The following PCDHGA6 variants were observed in gnomAD, a reference collection of about 807,000 sequenced individuals.
PCDHGA6 encodes the protein protocadherin gamma subfamily A, 6.
Under a neutral mutation model 60.6 loss-of-function variants are expected in PCDHGA6, and 41 were observed. That is an observed-to-expected ratio of 0.68 (90% CI 0.53 to 0.88). The LOEUF (loss-of-function observed/expected upper bound fraction) is 0.88. Among genes scored for constraint, PCDHGA6 ranks in the 40% least tolerant of loss-of-function variants. PCDHGA6 has a pLI of 0.00. For synonymous variants in PCDHGA6, 594 were observed against 524.4 expected (o/e 1.13, Z -1.81); for missense variants, 1,312 against 1,203.0 (o/e 1.09, Z -1.34).
At chr5:141,388,991 C>G in intron 1 of PCDHGA6, 1 of 1,613,976 alleles carries the variant, frequency 6.2e-7, no homozygotes. Flanking sequence ...TGCTCAAAGT[C>G]CGTGACAAGG....
intron 1 of PCDHGA6, chr5:141,433,358 CCTATCTATCTATCTAT>C (rs3074541): frequency 2.0e-4 from 99 of 504,042 alleles, no homozygotes; most frequent in East Asian, 3.1e-4. Flanking sequence ...CTACTGTCTG[CCTATCTATCTATCTAT>C]CTATCTATCT....
At chr5:141,405,603 T>A in intron 1 of PCDHGA6, 1 of 571,444 alleles carries the variant, frequency 1.7e-6, no homozygotes, top group Non-Finnish European at 3.1e-6. Flanking sequence ...CCAAGTAGAA[T>A]AACTGGGACT....
chr5:141,390,573 C>T, intron 1 of PCDHGA6: 2 of 381,276 alleles, frequency 5.2e-6, no homozygotes, highest in Non-Finnish European at 9.4e-6. Context: ...TGGCTCTCTC[C>T]TAAAAAGTGA....
At chr5:141,417,693 A>T in intron 1 of PCDHGA6, 1 of 1,091,256 alleles carries the variant, frequency 9.2e-7, no homozygotes, top group Non-Finnish European at 1.3e-6. Context: ...AAAGAAAACC[A>T]GCTCCCACAC....
rs1200487646 is a variant in PCDHGA6, at chr5:141,410,571, C to T, written c.2424+34064C>T. 3 of 1,612,028 alleles carry T rather than the reference C, an allele frequency of 1.9e-6. No homozygotes were observed. The highest frequency in any genetic ancestry group is 2.5e-6 in the Non-Finnish European group (3 of 1,179,884). On this transcript the variant is annotated intron_variant, in intron 1 of 3. Coordinates refer to ENST00000517434, the MANE Select transcript of PCDHGA6 (RefSeq NM_018919.3). The stretch of plus-strand genomic sequence containing the variant: ...AGTGTTTCTCCTGGAGCCTTAATTC[C>T]ACCTCATGGTGGGGAGGATTTGACT...
At chr5:141,422,929 C>A (rs752323344) in intron 1 of PCDHGA6, 8 of 1,614,260 alleles carry the variant, frequency 5.0e-6, no homozygotes, top group Middle Eastern at 3.3e-4. Flanking sequence ...GTACCCTGCC[C>A]TCCCCACAGA....
At chr5:141,409,687 C>A (rs1190888512) in intron 1 of PCDHGA6, 2 of 1,613,202 alleles carry the variant, frequency 1.2e-6, no homozygotes, top group East Asian at 4.5e-5. Context: ...TGGCGAGTGA[C>A]CTAGAGCCCC....
intron 1 of PCDHGA6, chr5:141,404,901 G>A: frequency 6.2e-7 from 1 of 1,613,848 alleles, no homozygotes; most frequent in African/African-American, 1.3e-5. Flanking sequence ...CAGGACCATG[G>A]CCAGCCCCCT....
At chr5:141,492,710 G>A (rs11953270) in intron 1 of PCDHGA6, among the ~76,000 whole-genome samples, 27,341 of 152,278 alleles carry the variant, frequency 0.18, 2,647 homozygotes, top group Admixed American at 0.28. Flanking sequence ...GAAGCCTCGA[G>A]CAGGCGGACA....
At position 141,486,694 on chromosome 5, in the gene PCDHGA6, C is replaced by T. The variant is rs1275794121; in HGVS notation, c.2425-8113C>T. ...ATCGAGATGTATCAGCTTCCTCTTTCATCTCTCTGAACCCCCAGACAGGAG... is the reference window on the plus strand; with the variant it reads ...ATCGAGATGTATCAGCTTCCTCTTTTATCTCTCTGAACCCCCAGACAGGAG... On this transcript the variant is annotated intron_variant, in intron 1 of 3. Transcript: ENST00000517434. This position sits in a 1 kb window ranked among gnomAD's most constrained non-coding sequence, Gnocchi z 5.0. 1.2e-6 allele frequency: 2 copies of T among 1,614,168 alleles called. No individual in the cohort carries two copies. Among genetic ancestry groups the T allele is most frequent in the Non-Finnish European group, 1.7e-6 (2 of 1,180,044 alleles).
At chr5:141,395,633 G>T (rs1448678453) in intron 1 of PCDHGA6, 1 of 179,296 alleles carries the variant, frequency 5.6e-6, no homozygotes, top group African/African-American at 2.4e-5. Context: ...GAAGTCTAAA[G>T]CCTTGTTATT....
At chr5:141,472,729 T>G (rs2099294506) in intron 1 of PCDHGA6, among the ~76,000 whole-genome samples, 1 of 152,004 alleles carries the variant, frequency 6.6e-6, no homozygotes. Context: ...CTCACACCTG[T>G]AATCCCAGCA....
At chr5:141,423,210 C>T in intron 1 of PCDHGA6, 2 of 1,613,696 alleles carry the variant, frequency 1.2e-6, no homozygotes, top group Non-Finnish European at 1.7e-6. Flanking sequence ...CCGTCACGCT[C>T]ACCGTGGCTG....
At chr5:141,456,815 T>A (rs867637586) in intron 1 of PCDHGA6, among the ~76,000 whole-genome samples, 5 of 151,934 alleles carry the variant, frequency 3.3e-5, no homozygotes, top group Non-Finnish European at 7.4e-5. Flanking sequence ...ATACAAAAAA[T>A]TAGCCATCGT....
rs1169090117 is a variant in PCDHGA6 at position 141,374,727 on chromosome 5, T to A, written c.644T>A (p.Met215Lys). 1.2e-6 allele frequency: 2 copies of A among 1,610,538 alleles called. No homozygotes were observed. The highest frequency in any genetic ancestry group is 1.7e-6 in the Non-Finnish European group (2 of 1,178,192). ...EAVYRLVLTA[M>K]DGGDPVRSSV... ...GTTTACCGCCTGGTCCTTACTGCCA[T>A]GGATGGCGGCGACCCTGTCCGCTCA... The change falls in exon 1 of 4, where the codon ATG becomes AAG. Residue 215 changes from methionine (M) to lysine (K), a missense_variant. By Grantham distance (95) the Met-to-Lys change is moderately conservative. Coordinates refer to ENST00000517434, the MANE Select transcript of PCDHGA6 (RefSeq NM_018919.3).
At chr5:141,447,027 T>TG (rs563674341) in intron 1 of PCDHGA6, among the ~76,000 whole-genome samples, 103 of 152,252 alleles carry the variant, frequency 6.8e-4, no homozygotes, top group South Asian at 2.3e-3. Flanking sequence ...TGTTTTGTTT[T>TG]TTTTCTGTGT....
At chr5:141,474,671 A>G (rs2099352865) in intron 1 of PCDHGA6, among the ~76,000 whole-genome samples, 1 of 152,204 alleles carries the variant, frequency 6.6e-6, no homozygotes, top group South Asian at 2.1e-4. Context: ...TACCTAACCT[A>G]TGTGCCTACC....
rs1335997807 is a variant in PCDHGA6 at position 141,374,231 on chromosome 5, A to T, written c.148A>T (p.Lys50Ter). 1 of 1,613,834 alleles carries T rather than the reference A, an allele frequency of 6.2e-7. No individual in the cohort carries two copies. The highest frequency in any genetic ancestry group is 2.2e-5 in the East Asian group (1 of 44,886). ...EKGSFVGNIV[K>*]DLGLEPQELA... The stretch of plus-strand genomic sequence containing the variant: ...AGGCTCCTTCGTAGGCAACATCGTC[A>T]AGGATCTGGGACTGGAGCCCCAGGA... The change falls in exon 1 of 4, where the codon AAG becomes TAG. Residue 50 changes from lysine to a stop codon, truncating the protein, a stop_gained. Coordinates refer to ENST00000517434, the MANE Select transcript of PCDHGA6 (RefSeq NM_018919.3). LOFTEE classifies it high-confidence loss of function.
chr5:141,422,088 CA>C (rs1235447839), intron 1 of PCDHGA6: 2 of 1,611,912 alleles, frequency 1.2e-6, no homozygotes, highest in Non-Finnish European at 1.7e-6. Flanking sequence ...ACATGGAAAG[CA>C]AGGCTTCTGA....
Sources: allele counts gnomAD v4.1 joint callset (sites outside exome capture counted in the v4.1 genomes callset), GRCh38; gene constraint gnomAD v4.1.1; non-coding constraint Gnocchi (gnomAD v3.1); transcripts MANE v1.5; gene names NCBI Gene and HGNC (gene_info 2026-07-23, HGNC 2026-07-21).